Variants in TNFSF15 observed in about 807,000 individuals in gnomAD.
The protein encoded by TNFSF15 is TNF superfamily member 15, also known as tumor necrosis factor ligand superfamily member 15.
A neutral mutation model predicts 26.4 loss-of-function variants in TNFSF15; 15 were observed. The ratio of observed to expected loss-of-function variants is 0.57; its 90% confidence interval spans 0.38 to 0.87. The LOEUF is 0.87. TNFSF15 is among the 40% of genes least tolerant of loss of function. TNFSF15 has a pLI of 0.00. For missense variants in TNFSF15, 290 were observed against 306.1 expected (o/e 0.95, Z 0.39); for synonymous variants, 116 against 115.0 (o/e 1.01, Z -0.06).
chr9:114,797,337 C>T (rs1306148186), intron 1 of TNFSF15, among the ~76,000 whole-genome samples: 2 of 152,210 alleles, frequency 1.3e-5, no homozygotes. Flanking sequence ...CACTAAACAT[C>T]TGGAGGTGGT....
At chr9:114,791,028 T>C (rs185520289) in intron 3 of TNFSF15, 122 bp from the exon 4 acceptor site, 1 of 895,248 alleles carries the variant, frequency 1.1e-6, no homozygotes, top group South Asian at 1.7e-5. Context: ...AGCTAAAAAC[T>C]GCTTTGGGGA....
Position 114,790,641 on chromosome 9 carries a change from A to G in TNFSF15, c.567T>C (p.Pro189=), listed in dbSNP as rs759252204. The G allele has an allele frequency of 1.9e-6, 3 of 1,614,074 alleles. No individual in the cohort carries two copies. The highest frequency in any genetic ancestry group is 2.5e-6 in the Non-Finnish European group (3 of 1,179,988). The change falls in exon 4 of 4, where the codon CCT becomes CCC. Residue 189 remains proline (P), a synonymous_variant. Coordinates refer to ENST00000374045, the MANE Select transcript of TNFSF15 (RefSeq NM_005118.4). ...TCCCCATGAGGAGCTGGGTTGGCTC[A>G]GGGTAGCTGTCTGTTACCTTGGTGA... ...VVITKVTDSY[P]EPTQLLMGTK...
At chr9:114,796,833 T>A (rs1210270984) in intron 1 of TNFSF15, among the ~76,000 whole-genome samples, 1 of 152,140 alleles carries the variant, frequency 6.6e-6, no homozygotes, top group Non-Finnish European at 1.5e-5. Flanking sequence ...TGGCACAGAG[T>A]CATGAGTACA....
chr9:114,794,825 C>T (rs972658883), intron 1 of TNFSF15, among the ~76,000 whole-genome samples: 8 of 152,076 alleles, frequency 5.3e-5, no homozygotes, highest in African/African-American at 1.4e-4. Flanking sequence ...CTAAAAGAGT[C>T]GGTCTCATGC....
chr9:114,790,239 G>A lies in TNFSF15; in HGVS notation c.*213C>T, dbSNP rs1187033899. ...TCCAACCCATCTTAATAATATATTTGCTCTCTTCAGCCTTTTTCCAGTTAG... is the reference window on the plus strand; with the variant it reads ...TCCAACCCATCTTAATAATATATTTACTCTCTTCAGCCTTTTTCCAGTTAG... On this transcript the variant is annotated 3_prime_UTR_variant, in exon 4 of 4. Transcript: ENST00000374045. 1 of 483,184 alleles carries A rather than the reference G, an allele frequency of 2.1e-6. No homozygotes were observed. Among genetic ancestry groups the A allele is most frequent in the Non-Finnish European group, 3.6e-6 (1 of 274,464 alleles). 29.9% of individuals were successfully genotyped at this position (483,184 alleles called of 1,614,324 possible).
chr9:114,797,906 C>T (rs1829691257), intron 1 of TNFSF15, among the ~76,000 whole-genome samples: 1 of 152,168 alleles, frequency 6.6e-6, no homozygotes, highest in Non-Finnish European at 1.5e-5. Context: ...ACCTATATTC[C>T]TAGTGCCTCA....
In TNFSF15 at chr9:114,793,505, G is replaced by A. The variant is rs7852290; in HGVS notation, c.253+21C>T. On this transcript the variant is annotated intron_variant, in intron 2 of 3. Coordinates refer to ENST00000374045, the MANE Select transcript of TNFSF15 (RefSeq NM_005118.4). ...GTTCTTATTCCCCACGAGGAAAGGCGTTGAAGATGAGCATACTTACAAACT... is the reference window on the plus strand; with the variant it reads ...GTTCTTATTCCCCACGAGGAAAGGCATTGAAGATGAGCATACTTACAAACT... 323 of 1,613,158 alleles carry A rather than the reference G, an allele frequency of 2.0e-4. No individual in the cohort carries two copies. In the African/African-American group the frequency reaches 3.3e-3, roughly 17 times the overall value.
chr9:114,785,205 C>T lies in TNFSF15; in HGVS notation c.*5247G>A, dbSNP rs1026187705. ...CTTTTAGCATCCAACTAGCTACTGT[C>T]TGGCACTGGCCACGAAGGGTGACAG... On this transcript the variant is annotated 3_prime_UTR_variant, in exon 4 of 4. Coordinates refer to ENST00000374045, the MANE Select transcript of TNFSF15 (RefSeq NM_005118.4). The T allele has an allele frequency of 3.3e-5, 5 of 152,268 alleles. No individual in the cohort carries two copies. Among genetic ancestry groups the T allele is most frequent in the Non-Finnish European group, 5.9e-5 (4 of 68,050 alleles). 9.4% of individuals were successfully genotyped at this position (152,268 alleles called of 1,614,324 possible).
Position 114,806,001 on chromosome 9 carries a change from A to G in TNFSF15, c.12T>C (p.Asp4=), listed in dbSNP as rs1829818754. Residue 4 remains aspartate (D), a synonymous_variant, in exon 1 of 4, where the codon GAT becomes GAC. Transcript: ENST00000374045. MAE[D]LGLSFGETAS... is the part of the protein sequence containing the mutation. ...CTGTTTCCCCAAAGCTCAGTCCCAG[A>G]TCCTCGGCCATGCTCCTGCTGCTCC... The G allele has an allele frequency of 8.7e-6, 14 of 1,613,828 alleles. No individual in the cohort carries two copies. Among genetic ancestry groups the G allele is most frequent in the Non-Finnish European group, 1.2e-5 (14 of 1,179,940 alleles).
chr9:114,805,861 G>A lies in TNFSF15; in HGVS notation c.152C>T (p.Thr51Ile), dbSNP rs768222774. ...GAGCTGGCTGACAAGCAGGTATGTG[G>A]TGAGTCCTGCAAGGAAGGGGAGCAA... The part of the protein sequence containing the change: ...LVLLPFLAGL[T>I]TYLLVSQLRA... Residue 51 changes from threonine (T) to isoleucine (I), a missense_variant, in exon 1 of 4, where the codon ACC (threonine) becomes ATC (isoleucine). Thr to Ile is a moderately conservative substitution (Grantham distance 89). This residue lies in a region of TNFSF15 where 179 missense variants were observed against 165.9 expected (regional missense o/e 1.08). Transcript: ENST00000374045. 3 of 1,613,868 alleles carry A rather than the reference G, an allele frequency of 1.9e-6. No homozygotes were observed. The Admixed American group carries it at 5.0e-5, about 27-fold the overall frequency.
intron 1 of TNFSF15, among the ~76,000 whole-genome samples, chr9:114,799,229 T>C (rs1829709001): frequency 6.6e-6 from 1 of 152,230 alleles, no homozygotes; most frequent in Non-Finnish European, 1.5e-5. Flanking sequence ...GATTGTGGCA[T>C]GTCACTTGAC....
intron 1 of TNFSF15, among the ~76,000 whole-genome samples, chr9:114,796,016 A>G (rs1208947815): frequency 6.6e-6 from 1 of 152,186 alleles, no homozygotes; most frequent in East Asian, 1.9e-4. Flanking sequence ...TGAATGACTA[A>G]CTGACTTTAC....
Position 114,801,760 on chromosome 9 carries a change from C to T in TNFSF15, c.210+4043G>A, listed in dbSNP as rs561963567. ...AACCCTAAACTCTTCCAAGATACGTCTGTCTAATATTCTGCAGAAATCTAA... is the reference window on the plus strand; with the variant it reads ...AACCCTAAACTCTTCCAAGATACGTTTGTCTAATATTCTGCAGAAATCTAA... On this transcript the variant is annotated intron_variant, in intron 1 of 3. Transcript: ENST00000374045. Among the ~76,000 whole-genome samples the T allele has an allele frequency of 7.2e-5, 11 of 152,288 alleles. No homozygotes were observed. In the South Asian group the frequency reaches 8.3e-4, roughly 11 times the overall value.
chr9:114,805,178 A>G (rs1306883020), intron 1 of TNFSF15, among the ~76,000 whole-genome samples: 1 of 152,244 alleles, frequency 6.6e-6, no homozygotes, highest in Non-Finnish European at 1.5e-5. Context: ...AGCTCTAAAA[A>G]GAGAAAAAGT....
Position 114,790,356 on chromosome 9 carries a change from G to T in TNFSF15, c.*96C>A, listed in dbSNP as rs1178986721. The T allele has an allele frequency of 2.3e-6, 3 of 1,297,802 alleles. No individual in the cohort carries two copies. The highest frequency in any genetic ancestry group is 3.0e-5 in the African/African-American group (2 of 67,040). 80.4% of individuals were successfully genotyped at this position (1,297,802 alleles called of 1,614,324 possible). Reference sequence around the variant, plus strand: ...TCCCTGTGGAATGCCCCCTACTCCCGGCCCCAAGAAAACCCCTGGTTATAA... The same window carrying T: ...TCCCTGTGGAATGCCCCCTACTCCCTGCCCCAAGAAAACCCCTGGTTATAA... On this transcript the variant is annotated 3_prime_UTR_variant, in exon 4 of 4. Transcript: ENST00000374045.
At chr9:114,791,424 A>G (rs144231824) in intron 3 of TNFSF15, 1 of 177,018 alleles carries the variant, frequency 5.6e-6, no homozygotes, top group East Asian at 1.8e-4. Flanking sequence ...TCTTACAGGC[A>G]TGAGGTAAGT....
chr9:114,801,488 C>T (rs535511471), intron 1 of TNFSF15, among the ~76,000 whole-genome samples: 4 of 152,238 alleles, frequency 2.6e-5, no homozygotes, highest in South Asian at 4.2e-4. Context: ...TCTGGCCAGG[C>T]GATGGCAAAT....
At chr9:114,800,565 C>T (rs1829732716) in intron 1 of TNFSF15, among the ~76,000 whole-genome samples, 1 of 152,152 alleles carries the variant, frequency 6.6e-6, no homozygotes, top group Admixed American at 6.5e-5. Context: ...TGTGACTGGG[C>T]ACATTGTTTA....
At chr9:114,801,491 T>A (rs184913112) in intron 1 of TNFSF15, among the ~76,000 whole-genome samples, 2 of 152,196 alleles carry the variant, frequency 1.3e-5, no homozygotes, top group African/African-American at 4.8e-5. Flanking sequence ...GGCCAGGCGA[T>A]GGCAAATTCC....
Sources: allele counts gnomAD v4.1 joint callset (sites outside exome capture counted in the v4.1 genomes callset), GRCh38; gene constraint gnomAD v4.1.1; regional missense constraint gnomAD v4.1.1; transcripts MANE v1.5; gene names NCBI Gene and HGNC (gene_info 2026-07-23, HGNC 2026-07-21).